The following MNT variants were observed in gnomAD, a reference collection of about 807,000 sequenced individuals.
MNT encodes the protein MAX network transcriptional repressor, also known as max-binding protein MNT.
In MNT, 13 loss-of-function variants were observed where a neutral mutation model predicts 40.7. That is an observed-to-expected ratio of 0.32 (90% CI 0.21 to 0.51). The LOEUF is 0.51. MNT is among the 20% of genes least tolerant of loss of function. The probability of loss-of-function intolerance (pLI) is 0.98; values close to 1 mark genes in which losing one functional copy is unlikely to be tolerated. For synonymous variants in MNT, 426 were observed against 354.8 expected (o/e 1.20, Z -2.26); for missense variants, 757 against 792.0 (o/e 0.96, Z 0.53).
Position 2,387,059 on chromosome 17 carries a change from C to T in MNT, c.1591G>A (p.Gly531Ser), listed in dbSNP as rs199839050. 22 of 1,561,558 alleles carry T rather than the reference C, an allele frequency of 1.4e-5. No homozygotes were observed. The highest frequency in any genetic ancestry group is 5.9e-5 in the South Asian group (5 of 85,172). Residue 531 changes from glycine to serine, a missense_variant, in exon 6 of 6, where the codon GGC (glycine) becomes AGC (serine). Gly to Ser is a moderately conservative substitution (Grantham distance 56, BLOSUM62 0). Coordinates refer to ENST00000174618, the MANE Select transcript of MNT (RefSeq NM_020310.3). ...GCCGGGGGCCCCAGGCCGGCCGTGC[C>T]GTTGACTTGCTGGTGCGAGAGGGTG... ...AHTLSHQQVNGTAGLGPPATV... is the reference protein window; with the variant it reads ...AHTLSHQQVNSTAGLGPPATV...
Position 2,386,002 on chromosome 17 carries a change from C to T in MNT, c.*899G>A, listed in dbSNP as rs889739247. On this transcript the variant is annotated 3_prime_UTR_variant, in exon 6 of 6. Coordinates refer to ENST00000174618, the MANE Select transcript of MNT (RefSeq NM_020310.3). ...CAGGGGCTGAACGCAGGACAGCGCC[C>T]CTCTTTGCTGCCTTCTGGAAGCCAA... 1 of 152,358 alleles carries T rather than the reference C, an allele frequency of 6.6e-6. No individual in the cohort carries two copies. The highest frequency in any genetic ancestry group is 1.9e-4 in the East Asian group (1 of 5,196). The allele number at this position is 152,358 out of a possible 1,614,324, so 9.4% of individuals were successfully genotyped here.
At chr17:2,394,849 G>C (rs888532786) in intron 2 of MNT, 26 bp downstream of exon 2, 1 of 1,528,526 alleles carries the variant, frequency 6.5e-7, no homozygotes, top group Admixed American at 2.0e-5. Context: ...TCCCCCACCA[G>C]CCCGACCCCG....
Position 2,394,118 on chromosome 17 carries a change from C to T in MNT, c.732G>A (p.Lys244=). The T allele has an allele frequency of 9.3e-6, 15 of 1,609,482 alleles. No homozygotes were observed. The highest frequency in any genetic ancestry group is 1.2e-5 in the Non-Finnish European group (14 of 1,178,076). Residue 244 remains lysine, a synonymous_variant, in exon 4 of 6, where the codon AAG becomes AAA. Coordinates refer to ENST00000174618, the MANE Select transcript of MNT (RefSeq NM_020310.3). The part of the protein sequence containing the change: ...AHLKECFETL[K]RNIPNVDDKK... ...TGTCATCCACGTTGGGGATGTTCCG[C>T]TTCAGGGTCTCAAAGCACTCTTTCA...
In MNT at chr17:2,395,141, G is replaced by A; in HGVS notation, c.387C>T (p.Leu129=). ...RQPALVGAPG[L]SIKEPAPLPS... Reference sequence around the variant, plus strand: ...GCAGGGGGGCAGGCTCCTTAATGCTGAGTCCGGGGGCGCCAACCAGGGCCG... The same window carrying A: ...GCAGGGGGGCAGGCTCCTTAATGCTAAGTCCGGGGGCGCCAACCAGGGCCG... The change falls in exon 2 of 6, where the codon CTC becomes CTT. Residue 129 remains leucine, a synonymous_variant. Coordinates refer to ENST00000174618, the MANE Select transcript of MNT (RefSeq NM_020310.3). 1 of 1,463,134 alleles carries A rather than the reference G, an allele frequency of 6.8e-7. No individual in the cohort carries two copies. The highest frequency in any genetic ancestry group is 9.0e-7 in the Non-Finnish European group (1 of 1,109,950). The allele number at this position is 1,463,134 out of a possible 1,614,324, so 90.6% of individuals were successfully genotyped here.
chr17:2,387,901 G>T lies in MNT; in HGVS notation c.956C>A (p.Thr319Lys). 1 of 1,605,250 alleles carries T rather than the reference G, an allele frequency of 6.2e-7. No individual in the cohort carries two copies. The highest frequency in any genetic ancestry group is 8.5e-7 in the Non-Finnish European group (1 of 1,179,102). ...GGCCTGGTCATCCTCGGGCTGGCCC[G>T]TCTGCCGCAGCACGCGGTCAATCTC... is the stretch of plus-strand genomic sequence containing the variant. ...VLEIDRVLRQTGQPEDDQAST... is the reference protein window; with the variant it reads ...VLEIDRVLRQKGQPEDDQAST... Residue 319 changes from threonine to lysine, a missense_variant, in exon 5 of 6, where the codon ACG (threonine) becomes AAG (lysine). By Grantham distance (78) the Thr-to-Lys change is moderately conservative. Coordinates refer to ENST00000174618, the MANE Select transcript of MNT (RefSeq NM_020310.3).
chr17:2,400,637 C>A lies in MNT; in HGVS notation c.73+3G>T. 6.3e-7 allele frequency: 1 copy of A among 1,581,316 alleles called. No homozygotes were observed. The highest frequency in any genetic ancestry group is 1.1e-5 in the South Asian group (1 of 87,602). On this transcript the variant is annotated splice_donor_region_variant and intron_variant, in intron 1 of 5. Transcript: ENST00000174618. The stretch of plus-strand genomic sequence containing the variant: ...GCCCCAGGGGCCCAGCCCGGCCGCT[C>A]ACCACGTGCTCTCTGTTGTTGCTGC...
chr17:2,387,767 T>C (rs1292866533), intron 5 of MNT, 90 bp downstream of exon 5: 6 of 1,545,396 alleles, frequency 3.9e-6, no homozygotes, highest in Admixed American at 3.6e-5. Flanking sequence ...CCATCTTTTC[T>C]AGCAGGCAAG....
In MNT at chr17:2,394,177, G is replaced by A. The variant is rs201005594; in HGVS notation, c.696-23C>T. 96 of 1,603,948 alleles carry A rather than the reference G, an allele frequency of 6.0e-5. No individual in the cohort carries two copies. In the East Asian group the frequency reaches 1.8e-3, roughly 29 times the overall value. Reference sequence around the variant, plus strand: ...CTCCTGAAGAGAGGGGCGAGCGCCGGTCAGCGGTGCCTGGGGCGGGGCTGG... The same window carrying A: ...CTCCTGAAGAGAGGGGCGAGCGCCGATCAGCGGTGCCTGGGGCGGGGCTGG... On this transcript the variant is annotated intron_variant, in intron 3 of 5. Coordinates refer to ENST00000174618, the MANE Select transcript of MNT (RefSeq NM_020310.3).
At position 2,385,352 on chromosome 17, in the gene MNT, T is replaced by TGCCCCA. The variant is rs2066449355; in HGVS notation, c.*1543_*1548dup. ...CGGCCCCCTCGCCGGCCCAGGCCCC[T>TGCCCCA]GCCCCAGCCCATCAGTGTGAGCTTC... On this transcript the variant is annotated 3_prime_UTR_variant, in exon 6 of 6. Transcript: ENST00000174618. The TGCCCCA allele has an allele frequency of 6.9e-6, 1 of 144,072 alleles. No homozygotes were observed. The highest frequency in any genetic ancestry group is 2.5e-5 in the African/African-American group (1 of 39,670). 8.9% of individuals were successfully genotyped at this position (144,072 alleles called of 1,614,324 possible). A position where few individuals can be genotyped will look rare whatever the true frequency, so the allele number is the denominator to read the frequency against.
rs779195971 is a variant in MNT, at chr17:2,388,048, G to A, written c.809C>T (p.Ser270Phe). Reference protein sequence around the residue: ...VLRTALRYIQSLKRKEKEYEH... With the variant: ...VLRTALRYIQFLKRKEKEYEH... ...ATATTCCTTCTCCTTCCTCTTCAGG[G>A]ACTGGCACACAGAGTAAGGGACAGC... The change falls in exon 5 of 6, where the codon TCC becomes TTC. Residue 270 changes from serine to phenylalanine, a missense_variant and splice_region_variant. Ser to Phe is a radical substitution (Grantham distance 155, BLOSUM62 -2). Coordinates refer to ENST00000174618, the MANE Select transcript of MNT (RefSeq NM_020310.3). The A allele has an allele frequency of 4.5e-6, 7 of 1,555,162 alleles. No individual in the cohort carries two copies. Among genetic ancestry groups the A allele is most frequent in the African/African-American group, 2.7e-5 (2 of 73,246 alleles).
At position 2,395,679 on chromosome 17, in the gene MNT, C is replaced by T. The variant is rs1313219538; in HGVS notation, c.74-225G>A. On this transcript the variant is annotated intron_variant, in intron 1 of 5. Coordinates refer to ENST00000174618, the MANE Select transcript of MNT (RefSeq NM_020310.3). ...TCCCCGCCACCAGGGAATAGTAGGA[C>T]AGTCACGGGGGCTGACAGTCACGGG... is the stretch of plus-strand genomic sequence containing the variant. Among the ~76,000 whole-genome samples, 8 of 151,878 alleles carry T rather than the reference C, an allele frequency of 5.3e-5. No homozygotes were observed. The South Asian group carries it at 6.2e-4, about 12-fold the overall frequency.
chr17:2,388,609 C>A (rs1037635751), intron 4 of MNT, among the ~76,000 whole-genome samples: 1 of 152,092 alleles, frequency 6.6e-6, no homozygotes, highest in African/African-American at 2.4e-5. Context: ...TGACGCTTCT[C>A]GACGAGGCTC....
intron 1 of MNT, 87 bp downstream of exon 1, chr17:2,400,553 C>G: frequency 7.5e-7 from 1 of 1,334,508 alleles, no homozygotes; most frequent in East Asian, 2.9e-5. Flanking sequence ...GGGAGGGGGC[C>G]CTGTCCGCGG....
At chr17:2,400,580 G>A in intron 1 of MNT, 60 bp downstream of exon 1, 2 of 1,502,216 alleles carry the variant, frequency 1.3e-6, no homozygotes, top group East Asian at 2.7e-5. Context: ...GTGGGTTCGG[G>A]GACCGGGGTC....
chr17:2,393,493 C>A (rs79478832), intron 4 of MNT, among the ~76,000 whole-genome samples: 100 of 152,236 alleles, frequency 6.6e-4, no homozygotes, highest in African/African-American at 2.4e-3. Context: ...TTCCCCGCCC[C>A]AGGCGTAACC....
chr17:2,400,566 T>A (rs2066607940), intron 1 of MNT, 74 bp downstream of exon 1: 1 of 1,435,124 alleles, frequency 7.0e-7, no homozygotes, highest in Non-Finnish European at 9.3e-7. Context: ...GTCCGCGGTT[T>A]CGCGTGGGTT....
At chr17:2,399,890 G>T (rs564828332) in intron 1 of MNT, among the ~76,000 whole-genome samples, 1 of 152,228 alleles carries the variant, frequency 6.6e-6, no homozygotes, top group Non-Finnish European at 1.5e-5. Flanking sequence ...GGGCCCGGGG[G>T]CTGACCCCCA....
In MNT at chr17:2,388,002, C is replaced by T. The variant is rs752586593; in HGVS notation, c.855G>A (p.Leu285=). The change falls in exon 5 of 6, where the codon CTG becomes CTA. Residue 285 remains leucine, a synonymous_variant. Transcript: ENST00000174618. ...GCTGCGTGGCAATCTTCTCACGTGC[C>T]AGCCGCTCCATTTCATGCTCATATT... ...EKEYEHEMER[L]AREKIATQQR... is the part of the protein sequence containing the mutation. 6.4e-6 allele frequency: 10 copies of T among 1,572,566 alleles called. No homozygotes were observed. Among genetic ancestry groups the T allele is most frequent in the South Asian group, 1.2e-5 (1 of 86,748 alleles).
At chr17:2,388,235 G>C in intron 4 of MNT, 186 bp from the exon 5 acceptor site, 1 of 576,610 alleles carries the variant, frequency 1.7e-6, no homozygotes, top group Non-Finnish European at 3.0e-6. Flanking sequence ...GTGAGGCCCA[G>C]CGTCCCAAGG....
Sources: gnomAD v4.1 joint callset for allele counts (sites outside exome capture counted in the v4.1 genomes callset) on GRCh38, gnomAD v4.1.1 for gene constraint, MANE v1.5 for transcripts, NCBI Gene and HGNC (gene_info 2026-07-23, HGNC 2026-07-21) for gene names.